Variants in INTS2 observed in about 807,000 individuals in gnomAD.
The protein encoded by INTS2 is integrator complex subunit 2.
INTS2 carries 57 observed loss-of-function variants against 139.6 expected under a neutral mutation model. That is an observed-to-expected ratio of 0.41 (90% CI 0.33 to 0.51). INTS2 has a LOEUF of 0.51. INTS2 is among the 20% of genes least tolerant of loss of function. The pLI is 0.28. For missense variants in INTS2, 1,196 were observed against 1,436.7 expected, an observed-to-expected ratio of 0.83 and a Z score of 2.71; for synonymous variants, 473 against 493.4, an observed-to-expected ratio of 0.96 and a Z score of 0.55.
chr17:61,870,164 T>C lies in INTS2; in HGVS notation c.2779-176A>G, dbSNP rs999375773. Among the ~76,000 whole-genome samples, 1 of 152,202 alleles carries C rather than the reference T, an allele frequency of 6.6e-6. No homozygotes were observed. Among genetic ancestry groups the C allele is most frequent in the African/African-American group, 2.4e-5 (1 of 41,464 alleles). On this transcript the variant is annotated intron_variant, in intron 20 of 24. Coordinates refer to ENST00000251334, the MANE Select transcript of INTS2 (RefSeq NM_001351695.2). The surrounding 1 kb of genome is among the most constrained non-coding windows in gnomAD (Gnocchi z 4.4). The stretch of plus-strand genomic sequence containing the variant: ...AATCTGTAGAGCAGTGGTTCTCACC[T>C]TTTTAGGATTATGAACCCCTTAAGA...
chr17:61,916,294 C>T (rs1488880926), intron 5 of INTS2, among the ~76,000 whole-genome samples: 2 of 152,082 alleles, frequency 1.3e-5, no homozygotes, highest in African/African-American at 4.8e-5. Context: ...ATTAGCCAGG[C>T]ATGGTAGTGG....
Position 61,909,814 on chromosome 17 carries a change from CATGTGTGTAT to C in INTS2, c.954+1696_954+1705del, listed in dbSNP as rs1426150131. ...GTATACATATATACGTGTGTGTGTA[CATGTGTGTAT>C]GTGTGTGTGTGTGTGTGTGTGTGTG... On this transcript the variant is annotated intron_variant, in intron 7 of 24. Transcript: ENST00000251334. The surrounding 1 kb of genome is among the most constrained non-coding windows in gnomAD (Gnocchi z 4.9). 2.3e-5 allele frequency among the ~76,000 whole-genome samples: 2 copies of C among 85,160 alleles called. No homozygotes were observed. Among genetic ancestry groups the C allele is most frequent in the African/African-American group, 8.6e-5 (2 of 23,390 alleles). 55.9% of individuals were successfully genotyped at this position (85,160 alleles called of 152,430 possible).
chr17:61,889,809 A>C lies in INTS2; in HGVS notation c.1961T>G (p.Leu654Arg). Residue 654 changes from leucine (L) to arginine (R), a missense_variant, in exon 15 of 25, where the codon CTT (leucine) becomes CGT (arginine). Leu to Arg is a moderately radical substitution (Grantham distance 102). Coordinates refer to ENST00000251334, the MANE Select transcript of INTS2 (RefSeq NM_001351695.2). ...LYYILSYEEA[L>R]LANTKTLAAM... Reference sequence around the variant, plus strand: ...ACCTAAAGTCTTCGTGTTTGCTAGAAGAGCCTCTTCATAAGACAGTATATA... The same window carrying C: ...ACCTAAAGTCTTCGTGTTTGCTAGACGAGCCTCTTCATAAGACAGTATATA... The C allele has an allele frequency of 6.2e-7, 1 of 1,600,280 alleles. No individual in the cohort carries two copies. The highest frequency in any genetic ancestry group is 8.6e-7 in the Non-Finnish European group (1 of 1,168,472).
At chr17:61,916,660 A>G (rs1240130197) in intron 5 of INTS2, among the ~76,000 whole-genome samples, 1 of 152,242 alleles carries the variant, frequency 6.6e-6, no homozygotes, top group Non-Finnish European at 1.5e-5. Flanking sequence ...AAGTTAGATT[A>G]AAGATTTAGA....
rs777313699 is a variant in INTS2 at position 61,926,431 on chromosome 17, C to T, written c.214G>A (p.Ala72Thr). 1 of 1,613,886 alleles carries T rather than the reference C, an allele frequency of 6.2e-7. No individual in the cohort carries two copies. ...LILRLLSGVE[A>T]VNSIVALLSV... is the part of the protein sequence containing the mutation. ...AACAATGCAACAATGGAGTTGACAG[C>T]TTCCACTCCAGAAAGAAGGCGAAGG... Residue 72 changes from alanine (A) to threonine (T), a missense_variant, in exon 2 of 25, where the codon GCT becomes ACT. This residue lies in a region of INTS2 where 31 missense variants were observed against 64.8 expected (regional missense o/e 0.48). Coordinates refer to ENST00000251334, the MANE Select transcript of INTS2 (RefSeq NM_001351695.2).
At chr17:61,879,071 CTTTTTTTTT>C (rs943506280) in intron 17 of INTS2, among the ~76,000 whole-genome samples, 27 of 34,412 alleles carry the variant, frequency 7.8e-4, no homozygotes, top group Admixed American at 2.9e-3. Context: ...CCAGGCTGGT[CTTTTTTTTT>C]TTTTTTTTTT....
At chr17:61,923,416 G>A (rs374649446) in intron 3 of INTS2, among the ~76,000 whole-genome samples, 1 of 143,944 alleles carries the variant, frequency 6.9e-6, no homozygotes, top group East Asian at 2.1e-4. Flanking sequence ...GGCGGAGCTT[G>A]CAGTGAGCCG....
chr17:61,894,150 A>T (rs1055806860), intron 12 of INTS2: 6 of 237,788 alleles, frequency 2.5e-5, no homozygotes, highest in Non-Finnish European at 4.0e-5. Flanking sequence ...AGGTAAAAAA[A>T]TAAAATAAAA....
intron 1 of INTS2, 39 bp downstream of exon 1, chr17:61,927,615 T>C: frequency 7.7e-7 from 1 of 1,301,364 alleles, no homozygotes; most frequent in East Asian, 3.5e-5. Context: ...GACACGGACC[T>C]AGGAACGCGC....
At chr17:61,885,573 CCAT>C (rs1379377945) in intron 15 of INTS2, among the ~76,000 whole-genome samples, 1 of 151,962 alleles carries the variant, frequency 6.6e-6, no homozygotes, top group East Asian at 1.9e-4. Context: ...GCATCCACCA[CCAT>C]GCCTGGCTAA....
At position 61,893,841 on chromosome 17, in the gene INTS2, G is replaced by A; in HGVS notation, c.1622C>T (p.Thr541Ile). ...PVTSNLSANI[T>I]GFLPIHCIYQ... ...AATACAATGAATAGGCAAAAATCCA[G>A]TAATGTTGGCACTCAGGTTGCTGGT... The change falls in exon 13 of 25, where the codon ACT becomes ATT. Residue 541 changes from threonine (T) to isoleucine (I), a missense_variant. By Grantham distance (89) the Thr-to-Ile change is moderately conservative. Transcript: ENST00000251334. This position sits in a 1 kb window ranked among gnomAD's most constrained non-coding sequence, Gnocchi z 5.4. The A allele has an allele frequency of 1.3e-6, 2 of 1,583,160 alleles. No homozygotes were observed. Among genetic ancestry groups the A allele is most frequent in the Non-Finnish European group, 1.7e-6 (2 of 1,163,928 alleles).
chr17:61,869,349 A>G lies in INTS2; in HGVS notation c.3062T>C (p.Val1021Ala), dbSNP rs918007392. ...GYPCELLPLT[V>A]AGIPSMHICL... ...GATGTGCATAGATGGAATACCTGCG[A>G]CCGTCAGAGGCAAAAGTTCACATGG... Residue 1021 changes from valine (V) to alanine (A), a missense_variant, in exon 22 of 25, where the codon GTC becomes GCC. Val to Ala is a moderately conservative substitution (Grantham distance 64). Transcript: ENST00000251334. This position sits in a 1 kb window ranked among gnomAD's most constrained non-coding sequence, Gnocchi z 5.4. 2 of 1,606,512 alleles carry G rather than the reference A, an allele frequency of 1.2e-6. No homozygotes were observed. Among genetic ancestry groups the G allele is most frequent in the East Asian group, 2.2e-5 (1 of 44,664 alleles).
intron 5 of INTS2, among the ~76,000 whole-genome samples, chr17:61,917,738 C>T (rs2079597507): frequency 6.6e-6 from 1 of 152,050 alleles, no homozygotes; most frequent in Non-Finnish European, 1.5e-5. Flanking sequence ...ACAATATACC[C>T]ATGTAACAAA....
intron 9 of INTS2, among the ~76,000 whole-genome samples, chr17:61,903,292 G>A (rs905499133): frequency 6.8e-6 from 1 of 147,994 alleles, no homozygotes; most frequent in Non-Finnish European, 1.5e-5. Flanking sequence ...ATAGCCTCAA[G>A]CAACCCTCCC....
chr17:61,876,181 T>G lies in INTS2; in HGVS notation c.2457-1143A>C, dbSNP rs1019361342. ...AGACCCTGTATCTAAAAAGTAAAAA[T>G]AAAAAATAATTTTTTAAAAAATGAA... On this transcript the variant is annotated intron_variant, in intron 18 of 24. Coordinates refer to ENST00000251334, the MANE Select transcript of INTS2 (RefSeq NM_001351695.2). This position sits in a 1 kb window ranked among gnomAD's most constrained non-coding sequence, Gnocchi z 4.1. Among the ~76,000 whole-genome samples, 2 of 151,928 alleles carry G rather than the reference T, an allele frequency of 1.3e-5. No individual in the cohort carries two copies. The highest frequency in any genetic ancestry group is 4.8e-5 in the African/African-American group (2 of 41,342).
chr17:61,920,638 C>T (rs1032346191), intron 4 of INTS2, among the ~76,000 whole-genome samples: 2 of 151,796 alleles, frequency 1.3e-5, no homozygotes, highest in African/African-American at 4.8e-5. Context: ...ACCTCGTCGC[C>T]ACTAAAAATA....
At chr17:61,913,352 A>G (rs1362107989) in intron 5 of INTS2, among the ~76,000 whole-genome samples, 1 of 151,902 alleles carries the variant, frequency 6.6e-6, no homozygotes, top group Non-Finnish European at 1.5e-5. Context: ...CAAAAAAAAA[A>G]CAAAAAAAAA....
chr17:61,900,929 G>A (rs1192526247), intron 9 of INTS2, among the ~76,000 whole-genome samples: 1 of 151,864 alleles, frequency 6.6e-6, no homozygotes, highest in African/African-American at 2.4e-5. Flanking sequence ...TTGCACCATG[G>A]GCAACAAGAG....
At chr17:61,899,068 T>C (rs561604215) in intron 9 of INTS2, among the ~76,000 whole-genome samples, 17 of 152,346 alleles carry the variant, frequency 1.1e-4, no homozygotes, top group East Asian at 9.6e-4. Flanking sequence ...AAAAAGGTCA[T>C]TCTCAACTAT....
Sources: gnomAD v4.1 joint callset for allele counts (sites outside exome capture counted in the v4.1 genomes callset) on GRCh38, gnomAD v4.1.1 for gene constraint, gnomAD v4.1.1 regional missense constraint, Gnocchi (gnomAD v3.1) non-coding constraint, MANE v1.5 for transcripts, NCBI Gene and HGNC (gene_info 2026-07-23, HGNC 2026-07-21) for gene names.